Variants in DLG1 observed in about 807,000 individuals in gnomAD.
DLG1 encodes disks large homolog 1.
DLG1 carries 42 observed loss-of-function variants against 123.4 expected under a neutral mutation model. The observed-to-expected ratio is 0.34, with a 90% CI of 0.27 to 0.44. DLG1 has a LOEUF of 0.44. Ranked by LOEUF, DLG1 falls within the 20% of genes least tolerant of loss-of-function variation. DLG1 has a pLI of 1.00. For synonymous variants in DLG1, 317 were observed against 356.2 expected, an observed-to-expected ratio of 0.89 and a Z score of 1.24; for missense variants, 942 against 1,082.6, an observed-to-expected ratio of 0.87 and a Z score of 1.82.
rs1721082015 is a variant in DLG1 at position 197,043,050 on chromosome 3, A to ATATTT, written c.*1568_*1572dup. 1 of 152,246 alleles carries ATATTT rather than the reference A, an allele frequency of 6.6e-6. No individual in the cohort carries two copies. Among genetic ancestry groups the ATATTT allele is most frequent in the Non-Finnish European group, 1.5e-5 (1 of 68,046 alleles). 9.4% of individuals were successfully genotyped at this position (152,246 alleles called of 1,614,324 possible). A position where few individuals can be genotyped will look rare whatever the true frequency, so the allele number is the denominator to read the frequency against. On this transcript the variant is annotated 3_prime_UTR_variant, in exon 25 of 25. Coordinates refer to ENST00000667157, the MANE Select transcript of DLG1 (RefSeq NM_001366207.1). ...CTAATGAGGAGGTTGTCAAAAACAC[A>ATATTT]TATTTAATAAACAACTCCAAAGAGC... is the stretch of plus-strand genomic sequence containing the variant.
chr3:197,181,742 A>G (rs373364597), intron 5 of DLG1, among the ~76,000 whole-genome samples: 3 of 151,484 alleles, frequency 2.0e-5, no homozygotes, highest in South Asian at 4.2e-4. Flanking sequence ...CTACCCTAAT[A>G]CTCCTATTTC....
At chr3:197,297,925 G>C (rs1778310914) in intron 1 of DLG1, 6 of 984,080 alleles carry the variant, frequency 6.1e-6, no homozygotes, top group Middle Eastern at 5.2e-4. Context: ...CCGAGCGGAG[G>C]GGGCGAAGGG....
chr3:197,246,278 G>A (rs1320330478), intron 4 of DLG1, among the ~76,000 whole-genome samples: 1 of 152,074 alleles, frequency 6.6e-6, no homozygotes, highest in Non-Finnish European at 1.5e-5. Flanking sequence ...CTTAAATCAG[G>A]CCTGACCTCT....
At chr3:197,167,763 G>T (rs908605301) in intron 5 of DLG1, among the ~76,000 whole-genome samples, 1 of 152,132 alleles carries the variant, frequency 6.6e-6, no homozygotes, top group African/African-American at 2.4e-5. Flanking sequence ...TTGCACATAG[G>T]CATACATCTA....
chr3:197,188,598 A>T (rs1332325273), intron 5 of DLG1, among the ~76,000 whole-genome samples: 1 of 152,218 alleles, frequency 6.6e-6, no homozygotes, highest in East Asian at 1.9e-4. Flanking sequence ...TCAGCAAACC[A>T]CTGTTAATTC....
At chr3:197,157,164 T>C (rs540403545) in intron 5 of DLG1, among the ~76,000 whole-genome samples, 6 of 152,300 alleles carry the variant, frequency 3.9e-5, no homozygotes, top group East Asian at 3.9e-4. Context: ...AGCTGAATAG[T>C]TGAAGTTGTT....
intron 14 of DLG1, 129 bp from the exon 15 acceptor site, chr3:197,091,155 C>A: frequency 5.7e-6 from 3 of 528,148 alleles, no homozygotes; most frequent in South Asian, 4.4e-5. Flanking sequence ...TAGTAATATG[C>A]GAAAGATTTT....
At chr3:197,096,722 T>C (rs375232882) in intron 14 of DLG1, among the ~76,000 whole-genome samples, 13 of 152,358 alleles carry the variant, frequency 8.5e-5, no homozygotes, top group African/African-American at 3.1e-4. Context: ...TATCAACTTA[T>C]TGATGTTGTT....
intron 5 of DLG1, chr3:197,183,461 C>T (rs1411728976): frequency 7.5e-6 from 7 of 931,500 alleles, no homozygotes; most frequent in South Asian, 3.5e-5. Context: ...TACATTTCTA[C>T]ACATCCAAGG....
At chr3:197,076,719 T>A in intron 17 of DLG1, 34 bp from the exon 18 acceptor site, 1 of 1,533,418 alleles carries the variant, frequency 6.5e-7, no homozygotes. Context: ...AACAAAGGGA[T>A]GTCTACTGTC....
chr3:197,235,367 T>C (rs928386122), intron 4 of DLG1, among the ~76,000 whole-genome samples: 1 of 152,192 alleles, frequency 6.6e-6, no homozygotes, highest in Non-Finnish European at 1.5e-5. Context: ...GAGACTTCAG[T>C]CTGAATACTA....
At chr3:197,158,262 G>A (rs146258504) in intron 5 of DLG1, among the ~76,000 whole-genome samples, 1 of 152,028 alleles carries the variant, frequency 6.6e-6, no homozygotes, top group South Asian at 2.1e-4. Context: ...GAAGAAAACA[G>A]AAAATAAAAA....
chr3:197,069,182 C>T lies in DLG1; in HGVS notation c.2047+37G>A, dbSNP rs1381308498. 17 of 1,510,176 alleles carry T rather than the reference C, an allele frequency of 1.1e-5. No homozygotes were observed. The East Asian group carries it at 3.3e-4, about 30-fold the overall frequency. The allele number at this position is 1,510,176 out of a possible 1,614,324, so 93.5% of individuals were successfully genotyped here. On this transcript the variant is annotated intron_variant, in intron 19 of 24. Transcript: ENST00000667157. Reference sequence around the variant, plus strand: ...CCACCCCTGCAGAGGATGTATTACTCGAGATTACAAAAGAACAAGTAACTT... The same window carrying T: ...CCACCCCTGCAGAGGATGTATTACTTGAGATTACAAAAGAACAAGTAACTT...
intron 5 of DLG1, among the ~76,000 whole-genome samples, chr3:197,171,228 T>G (rs1339686870): frequency 6.6e-6 from 1 of 152,200 alleles, no homozygotes; most frequent in Non-Finnish European, 1.5e-5. Flanking sequence ...ACAGTAGATT[T>G]ATAAAAACTC....
chr3:197,171,327 T>G (rs988462888), intron 5 of DLG1, among the ~76,000 whole-genome samples: 1 of 152,174 alleles, frequency 6.6e-6, no homozygotes, highest in Non-Finnish European at 1.5e-5. Flanking sequence ...TATTCAAATG[T>G]CCTTTGGTCC....
chr3:197,228,460 T>C (rs1248715516), intron 4 of DLG1, among the ~76,000 whole-genome samples: 1 of 152,258 alleles, frequency 6.6e-6, no homozygotes, highest in African/African-American at 2.4e-5. Flanking sequence ...TATTCAACTA[T>C]GATAATATTG....
At chr3:197,206,596 T>C (rs1267329260) in intron 4 of DLG1, among the ~76,000 whole-genome samples, 2 of 152,230 alleles carry the variant, frequency 1.3e-5, no homozygotes, top group Admixed American at 6.5e-5. Flanking sequence ...CCTTGATTTA[T>C]AGTATCTTTC....
intron 24 of DLG1, 57 bp from the exon 25 acceptor site, chr3:197,044,786 C>T (rs1160520384): frequency 1.1e-5 from 12 of 1,124,820 alleles, no homozygotes; most frequent in Non-Finnish European, 1.4e-5. Flanking sequence ...TTTGCCATTA[C>T]AATTATTGAT....
At chr3:197,298,969 T>G (rs749931686), upstream of DLG1, 10 of 162,338 alleles carry the variant, frequency 6.2e-5, no homozygotes, top group African/African-American at 1.4e-4. Context: ...TTCATTCATT[T>G]CCCTCAAGCC....
Sources: gnomAD v4.1 joint callset for allele counts (sites outside exome capture counted in the v4.1 genomes callset) on GRCh38, gnomAD v4.1.1 for gene constraint, MANE v1.5 for transcripts, NCBI Gene and HGNC (gene_info 2026-07-23, HGNC 2026-07-21) for gene names.